The following MAST3 variants were observed in gnomAD, a reference collection of about 807,000 sequenced individuals.
The protein encoded by MAST3 is microtubule-associated serine/threonine-protein kinase 3.
A neutral mutation model predicts 127.0 loss-of-function variants in MAST3; 43 were observed. The observed-to-expected ratio is 0.34, with a 90% CI of 0.27 to 0.44. MAST3 has a LOEUF of 0.44. MAST3 is among the 20% of genes least tolerant of loss of function. The pLI is 1.00. For synonymous variants in MAST3, 785 were observed against 809.2 expected, an observed-to-expected ratio of 0.97 and a Z score of 0.51; for missense variants, 1,390 against 1,919.1, an observed-to-expected ratio of 0.72 and a Z score of 5.15.
Position 18,124,788 on chromosome 19 carries a change from G to A in MAST3, c.1078+14G>A, listed in dbSNP as rs201819181. On this transcript the variant is annotated intron_variant, in intron 11 of 27. Coordinates refer to ENST00000687212, the MANE Select transcript of MAST3 (RefSeq NM_001393504.1). ...ACCCCCTGGAGGGTAAGCCGGGATG[G>A]GAAGAGGAAACCAAGGCTGGGAAAG... is the stretch of plus-strand genomic sequence containing the variant. 2.3e-5 allele frequency: 37 copies of A among 1,576,020 alleles called. No individual in the cohort carries two copies. The East Asian group carries it at 8.1e-4, about 35-fold the overall frequency.
At chr19:18,141,731 T>C in intron 20 of MAST3, 151 bp from the exon 21 acceptor site, 1 of 539,622 alleles carries the variant, frequency 1.9e-6, no homozygotes, top group Non-Finnish European at 2.8e-6. Context: ...TCTTTTTTTT[T>C]CTTTTTTTGA....
intron 19 of MAST3, 26 bp downstream of exon 19, chr19:18,137,387 G>T: frequency 6.2e-7 from 1 of 1,606,350 alleles, no homozygotes; most frequent in Non-Finnish European, 8.5e-7. Flanking sequence ...CCTGGAGGGG[G>T]GGCGGGGGGT....
chr19:18,123,791 A>G, intron 8 of MAST3, 136 bp downstream of exon 8: 1 of 1,074,204 alleles, frequency 9.3e-7, no homozygotes, highest in Non-Finnish European at 1.3e-6. Flanking sequence ...TTCCGTTGAA[A>G]GATGTCGTTC....
At chr19:18,116,272 TTTTA>T (rs2039236905) in intron 3 of MAST3, among the ~76,000 whole-genome samples, 2 of 151,420 alleles carry the variant, frequency 1.3e-5, no homozygotes, top group African/African-American at 2.4e-5. Flanking sequence ...TCTTTTGTAC[TTTTA>T]TTTCTTTTAT....
rs541661500 is a variant in MAST3, at chr19:18,121,758, T to C, written c.235T>C (p.Leu79=). 6 of 1,613,994 alleles carry C rather than the reference T, an allele frequency of 3.7e-6. No individual in the cohort carries two copies. The Admixed American group carries it at 5.0e-5, about 13-fold the overall frequency. ...SPTLSRPLSP[L]SVPTGSSPLD... ...GACCCTCTCCCGGCCCCTGTCGCCA[T>C]TGTCGGTCCCAACGGGTGAGTGTGG... The change falls in exon 4 of 28, where the codon TTG becomes CTG. Residue 79 remains leucine, a synonymous_variant. Transcript: ENST00000687212.
At chr19:18,118,073 C>G in intron 3 of MAST3, 1 of 984,944 alleles carries the variant, frequency 1.0e-6, no homozygotes, top group South Asian at 4.7e-5. Context: ...GCCCCCCTCC[C>G]TGTCCGGCTC....
intron 3 of MAST3, chr19:18,118,139 G>C: frequency 5.1e-6 from 5 of 985,306 alleles, no homozygotes; most frequent in Non-Finnish European, 6.0e-6. Context: ...GGCCTCGGGC[G>C]GCTGCGGCGG....
chr19:18,135,796 A>G lies in MAST3; in HGVS notation c.1927A>G (p.Ile643Val). The change falls in exon 18 of 28, where the codon ATC (isoleucine) becomes GTC (valine). Residue 643 changes from isoleucine (I) to valine (V), a missense_variant. Ile to Val is a conservative substitution (Grantham distance 29). This residue lies in a region of MAST3 where 191 missense variants were observed against 409.0 expected (regional missense o/e 0.47). Coordinates refer to ENST00000687212, the MANE Select transcript of MAST3 (RefSeq NM_001393504.1). ...CCTTCCAGCAGACGCCCAGGACCTC[A>G]TCACCAGGTTGCTCCGGCAGAGCCC... ...EALPADAQDL[I>V]TRLLRQSPLD... The G allele has an allele frequency of 1.2e-6, 2 of 1,612,158 alleles. No individual in the cohort carries two copies. Among genetic ancestry groups the G allele is most frequent in the Non-Finnish European group, 1.7e-6 (2 of 1,179,136 alleles).
At chr19:18,142,985 G>A (rs555048657) in intron 21 of MAST3, among the ~76,000 whole-genome samples, 3 of 151,824 alleles carry the variant, frequency 2.0e-5, no homozygotes, top group South Asian at 2.1e-4. Context: ...AGTGGTGCAC[G>A]CCTGTAATCC....
At chr19:18,141,377 CTT>C (rs370099564) in intron 20 of MAST3, among the ~76,000 whole-genome samples, 1 of 122,764 alleles carries the variant, frequency 8.1e-6, no homozygotes, top group East Asian at 2.4e-4. Context: ...AGCCAGCTTT[CTT>C]TTTTTTTTTT....
chr19:18,134,715 G>C lies in MAST3; in HGVS notation c.1704+4G>C. 6.2e-7 allele frequency: 1 copy of C among 1,612,694 alleles called. No homozygotes were observed. The highest frequency in any genetic ancestry group is 8.5e-7 in the Non-Finnish European group (1 of 1,178,972). On this transcript the variant is annotated splice_donor_region_variant and intron_variant, in intron 16 of 27. Transcript: ENST00000687212. Reference sequence around the variant, plus strand: ...CCGAGAGTTCATCGACAAGCAGGTGGGCGGGCAGGTGGGTGGGCAGCCCCG... The same window carrying C: ...CCGAGAGTTCATCGACAAGCAGGTGCGCGGGCAGGTGGGTGGGCAGCCCCG...
At position 18,110,547 on chromosome 19, in the gene MAST3, G is replaced by C. The variant is rs2038477381; in HGVS notation, c.72-105G>C. On this transcript the variant is annotated intron_variant, in intron 2 of 27. Transcript: ENST00000687212. This position sits in a 1 kb window ranked among gnomAD's most constrained non-coding sequence, Gnocchi z 4.3. Reference sequence around the variant, plus strand: ...GCTGAACCCAGAATCCCCGGTCTTGGGCCCCTACTCCCTGAGGGAACCGCA... The same window carrying C: ...GCTGAACCCAGAATCCCCGGTCTTGCGCCCCTACTCCCTGAGGGAACCGCA... The C allele has an allele frequency of 2.4e-6, 2 of 844,278 alleles. No individual in the cohort carries two copies. Among genetic ancestry groups the C allele is most frequent in the African/African-American group, 3.7e-5 (2 of 54,330 alleles). The allele number at this position is 844,278 out of a possible 1,614,324, so 52.3% of individuals were successfully genotyped here. A position where few individuals can be genotyped will look rare whatever the true frequency, so the allele number is the denominator to read the frequency against.
intron 14 of MAST3, 109 bp downstream of exon 14, chr19:18,130,811 T>A: frequency 8.8e-7 from 1 of 1,136,362 alleles, no homozygotes; most frequent in Non-Finnish European, 1.3e-6. Context: ...CCATGAGGTC[T>A]CACCCTGCTT....
Position 18,144,763 on chromosome 19 carries a change from C to G in MAST3, c.2812+70C>G. ...TTCACCAACAGGGTGGGGGCCCTTC[C>G]TGAGTTGGGGAGGCTGGGGATGAGC... On this transcript the variant is annotated intron_variant, in intron 23 of 27. Coordinates refer to ENST00000687212, the MANE Select transcript of MAST3 (RefSeq NM_001393504.1). The surrounding 1 kb of genome is among the most constrained non-coding windows in gnomAD (Gnocchi z 4.0). The G allele has an allele frequency of 6.5e-7, 1 of 1,537,518 alleles. No homozygotes were observed. Among genetic ancestry groups the G allele is most frequent in the Non-Finnish European group, 8.9e-7 (1 of 1,124,940 alleles).
chr19:18,128,196 G>GC (rs2040871322), intron 11 of MAST3, among the ~76,000 whole-genome samples: 1 of 152,204 alleles, frequency 6.6e-6, no homozygotes, highest in Non-Finnish European at 1.5e-5. Context: ...AGCCAGGGCA[G>GC]CCCACTGGCC....
intron 21 of MAST3, among the ~76,000 whole-genome samples, chr19:18,142,884 G>T (rs2042655109): frequency 6.6e-6 from 1 of 151,894 alleles, no homozygotes; most frequent in South Asian, 2.1e-4. Context: ...GCCGAGGCAG[G>T]TGGATTACCT....
At chr19:18,125,762 C>T (rs2147261614) in intron 11 of MAST3, among the ~76,000 whole-genome samples, 1 of 151,156 alleles carries the variant, frequency 6.6e-6, no homozygotes, top group South Asian at 2.1e-4. Flanking sequence ...CAAACAACTC[C>T]CACAGCCAGC....
chr19:18,106,278 A>G (rs1279138702), intron 1 of MAST3, among the ~76,000 whole-genome samples: 2 of 151,560 alleles, frequency 1.3e-5, no homozygotes, highest in African/African-American at 2.4e-5. Context: ...TTTGAGACGG[A>G]ATCTCTCATT....
rs773549676 is a variant in MAST3, at chr19:18,141,955, G to A, written c.2279G>A (p.Arg760Gln). The part of the protein sequence containing the change: ...TFAERSFSED[R>Q]EEGWERSEVD... ...GCTGAAAGGAGCTTCAGTGAAGACC[G>A]GGAGGAGGGGTGGGAGCGCAGCGAA... The change falls in exon 21 of 28, where the codon CGG becomes CAG. Residue 760 changes from arginine (R) to glutamine (Q), a missense_variant. Arg to Gln is a conservative substitution (Grantham distance 43, BLOSUM62 1). Around this residue, in one of 5 missense-constraint regions of MAST3, gnomAD observed 816 missense variants for 934.1 expected, o/e 0.87. Transcript: ENST00000687212. 14 of 1,558,118 alleles carry A rather than the reference G, an allele frequency of 9.0e-6. No homozygotes were observed. In the Middle Eastern group the frequency reaches 5.1e-4, roughly 57 times the overall value.
Sources: gnomAD v4.1 joint callset for allele counts (sites outside exome capture counted in the v4.1 genomes callset) on GRCh38, gnomAD v4.1.1 for gene constraint, gnomAD v4.1.1 regional missense constraint, Gnocchi (gnomAD v3.1) non-coding constraint, MANE v1.5 for transcripts, NCBI Gene and HGNC (gene_info 2026-07-23, HGNC 2026-07-21) for gene names.